Variants in DTNA observed in about 807,000 individuals in gnomAD.
DTNA encodes dystrobrevin alpha.
DTNA carries 43 observed loss-of-function variants against 100.7 expected under a neutral mutation model. The observed-to-expected ratio is 0.43, with a 90% CI of 0.33 to 0.55. The LOEUF (loss-of-function observed/expected upper bound fraction) is 0.55. DTNA is among the 20% of genes least tolerant of loss of function. The pLI is 0.04. For synonymous variants in DTNA, 349 were observed against 347.9 expected (o/e 1.00, Z -0.04); for missense variants, 798 against 953.9 (o/e 0.84, Z 2.15).
intron 10 of DTNA, chr18:34,828,971 C>A: frequency 1.3e-6 from 2 of 1,552,278 alleles, no homozygotes; most frequent in Non-Finnish European, 1.8e-6. Flanking sequence ...TATTAGGAAG[C>A]TCTGCATTCT....
At chr18:34,843,384 T>G (rs1200331914) in intron 13 of DTNA, among the ~76,000 whole-genome samples, 1 of 152,046 alleles carries the variant, frequency 6.6e-6, no homozygotes, top group Non-Finnish European at 1.5e-5. Context: ...CCCCCTAGAT[T>G]CTTCATCTTT....
At chr18:34,524,266 A>G (rs2145307574) in intron 1 of DTNA, among the ~76,000 whole-genome samples, 1 of 152,334 alleles carries the variant, frequency 6.6e-6, no homozygotes, top group South Asian at 2.1e-4. Context: ...GTATGAAAAT[A>G]TAATTGTAAA....
chr18:34,661,787 T>C (rs1160400151), intron 1 of DTNA, among the ~76,000 whole-genome samples: 1 of 152,176 alleles, frequency 6.6e-6, no homozygotes, highest in Non-Finnish European at 1.5e-5. Flanking sequence ...AGTGAGATCA[T>C]GGAGGGAAAT....
Position 34,888,623 on chromosome 18 carries a change from T to A in DTNA, c.*889T>A. 2.0e-6 allele frequency: 2 copies of A among 985,878 alleles called. No individual in the cohort carries two copies. Among genetic ancestry groups the A allele is most frequent in the Non-Finnish European group, 2.4e-6 (2 of 829,952 alleles). 61.1% of individuals were successfully genotyped at this position (985,878 alleles called of 1,614,324 possible). Reference sequence around the variant, plus strand: ...AATCAGCACAGATCTTCTTAAAAACTGTGAACTATGTTTTGAAATACTCGT... The same window carrying A: ...AATCAGCACAGATCTTCTTAAAAACAGTGAACTATGTTTTGAAATACTCGT... On this transcript the variant is annotated 3_prime_UTR_variant, in exon 23 of 23. Coordinates refer to ENST00000444659, the MANE Select transcript of DTNA (RefSeq NM_001386795.1).
chr18:34,863,963 TAGAC>T lies in DTNA; in HGVS notation c.1647_1650del (p.Arg549SerfsTer20). 6 of 1,608,010 alleles carry T rather than the reference TAGAC, an allele frequency of 3.7e-6. No individual in the cohort carries two copies. The highest frequency in any genetic ancestry group is 4.2e-6 in the Non-Finnish European group (5 of 1,176,882). On this transcript the variant is annotated splice_acceptor_variant and coding_sequence_variant, in exon 17 of 23. Coordinates refer to ENST00000444659, the MANE Select transcript of DTNA (RefSeq NM_001386795.1). Reference sequence around the variant, plus strand: ...CTTCTGATGTCAGCTGCTTCTTTCTTAGACAGCGCAAAGATGAGCTGGAACAGAG... The same window carrying T: ...CTTCTGATGTCAGCTGCTTCTTTCTTAGCGCAAAGATGAGCTGGAACAGAG...
At chr18:34,738,990 G>C (rs1206305372) in intron 1 of DTNA, among the ~76,000 whole-genome samples, 1 of 152,142 alleles carries the variant, frequency 6.6e-6, no homozygotes, top group Admixed American at 6.5e-5. Flanking sequence ...ATGATGCTGA[G>C]ATTTGGGGTG....
intron 1 of DTNA, among the ~76,000 whole-genome samples, chr18:34,513,329 A>G (rs1299119485): frequency 1.3e-5 from 2 of 152,186 alleles, no homozygotes; most frequent in African/African-American, 2.4e-5. Flanking sequence ...AAAACTAAAT[A>G]GTTATGGTCA....
At chr18:34,725,450 C>G (rs1411412943) in intron 1 of DTNA, among the ~76,000 whole-genome samples, 1 of 150,380 alleles carries the variant, frequency 6.6e-6, no homozygotes, top group Non-Finnish European at 1.5e-5. Context: ...TATGAACAGA[C>G]ACTTCTCAAA....
intron 1 of DTNA, among the ~76,000 whole-genome samples, chr18:34,534,663 G>A (rs1203073643): frequency 6.6e-6 from 1 of 151,776 alleles, no homozygotes; most frequent in Non-Finnish European, 1.5e-5. Flanking sequence ...CCCCCTACAG[G>A]CTCTGGTGCG....
At chr18:34,532,256 G>T (rs1016004718) in intron 1 of DTNA, among the ~76,000 whole-genome samples, 2 of 152,162 alleles carry the variant, frequency 1.3e-5, no homozygotes, top group Non-Finnish European at 2.9e-5. Context: ...CTTCCCTGTA[G>T]AGGTGGGAGC....
intron 1 of DTNA, among the ~76,000 whole-genome samples, chr18:34,615,496 A>G (rs1244244636): frequency 6.6e-6 from 1 of 152,192 alleles, no homozygotes; most frequent in Admixed American, 6.5e-5. Flanking sequence ...AAGACTCTCC[A>G]TGGGCAAAAA....
intron 1 of DTNA, among the ~76,000 whole-genome samples, chr18:34,633,824 GA>G (rs1385062341): frequency 6.6e-6 from 1 of 152,188 alleles, no homozygotes; most frequent in Non-Finnish European, 1.5e-5. Context: ...GAGTAAATGG[GA>G]AAACAGAACA....
At chr18:34,805,940 A>C (rs2095349971) in intron 4 of DTNA, among the ~76,000 whole-genome samples, 2 of 152,260 alleles carry the variant, frequency 1.3e-5, no homozygotes, top group Admixed American at 1.3e-4. Flanking sequence ...TCCTCTGGCT[A>C]TCAGCCCATA....
At chr18:34,778,237 C>A (rs912710623) in intron 3 of DTNA, among the ~76,000 whole-genome samples, 7 of 152,078 alleles carry the variant, frequency 4.6e-5, no homozygotes, top group Non-Finnish European at 8.8e-5. Flanking sequence ...TTACATCAAA[C>A]CTTAAAAATA....
Position 34,765,967 on chromosome 18 carries a change from A to C in DTNA, c.74A>C (p.Gln25Pro). The C allele has an allele frequency of 1.2e-6, 2 of 1,613,798 alleles. No homozygotes were observed. Among genetic ancestry groups the C allele is most frequent in the Non-Finnish European group, 1.7e-6 (2 of 1,179,732 alleles). The change falls in exon 3 of 23, where the codon CAA becomes CCA. Residue 25 changes from glutamine to proline, a missense_variant. Gln to Pro is a moderately conservative substitution (Grantham distance 76). Transcript: ENST00000444659. ...TCCTTTTTCCCCGCACTAGGGGCTC[A>C]AGATCTGGATCGCATCCGACTCTCC... is the stretch of plus-strand genomic sequence containing the variant. ...RRQLFAEMRA[Q>P]DLDRIRLSTY...
chr18:34,524,664 C>G (rs1015075380), intron 1 of DTNA, among the ~76,000 whole-genome samples: 28 of 152,068 alleles, frequency 1.8e-4, no homozygotes, highest in African/African-American at 6.8e-4. Context: ...GGTGCTGGTG[C>G]TCTGGTATGC....
chr18:34,739,545 A>G (rs566411363), intron 1 of DTNA, among the ~76,000 whole-genome samples: 2 of 152,336 alleles, frequency 1.3e-5, no homozygotes, highest in South Asian at 4.1e-4. Flanking sequence ...GACCCTTGTA[A>G]TTATGACAAT....
At chr18:34,885,407 T>C (rs1259080488) in intron 22 of DTNA, among the ~76,000 whole-genome samples, 1 of 152,214 alleles carries the variant, frequency 6.6e-6, no homozygotes, top group Non-Finnish European at 1.5e-5. Context: ...CCTAAATATG[T>C]GGAAAATTCT....
Position 34,573,456 on chromosome 18 carries a change from C to T in DTNA, c.-2+79942C>T, listed in dbSNP as rs2047789826. ...GAACATGCATTAGTCTCAATAGGCACCTGTTACCTCATTTTGTTTACACAT... is the reference window on the plus strand; with the variant it reads ...GAACATGCATTAGTCTCAATAGGCATCTGTTACCTCATTTTGTTTACACAT... On this transcript the variant is annotated intron_variant, in intron 1 of 19. Transcript: ENST00000283365. Among the ~76,000 whole-genome samples the T allele has an allele frequency of 2.6e-5, 4 of 152,176 alleles. No homozygotes were observed. In the South Asian group the frequency reaches 8.3e-4, roughly 31 times the overall value.
Sources: allele counts gnomAD v4.1 joint callset (sites outside exome capture counted in the v4.1 genomes callset), GRCh38; gene constraint gnomAD v4.1.1; transcripts MANE v1.5; gene names NCBI Gene and HGNC (gene_info 2026-07-23, HGNC 2026-07-21).